ST6GALNAC3: variants seen among roughly 807,000 people sequenced by gnomAD.
The protein encoded by ST6GALNAC3 is alpha-N-acetylgalactosaminide alpha-2,6-sialyltransferase 3.
In ST6GALNAC3, 25 loss-of-function variants were observed where a neutral mutation model predicts 32.7. The ratio of observed to expected loss-of-function variants is 0.76; its 90% CI spans 0.56 to 1.07. The LOEUF (loss-of-function observed/expected upper bound fraction) is 1.07, where lower values mean the gene tolerates loss of function less well. Among genes scored for constraint, ST6GALNAC3 ranks in the 50% least tolerant of loss-of-function variants. ST6GALNAC3 has a pLI of 0.00. For missense variants in ST6GALNAC3, 355 were observed against 382.4 expected, an observed-to-expected ratio of 0.93 and a Z score of 0.60; for synonymous variants, 129 against 133.1, an observed-to-expected ratio of 0.97 and a Z score of 0.21.
intron 1 of ST6GALNAC3, among the ~76,000 whole-genome samples, chr1:76,209,875 G>C (rs970899829): frequency 6.6e-6 from 1 of 151,966 alleles, no homozygotes; most frequent in Non-Finnish European, 1.5e-5. Context: ...ATTATCTTGG[G>C]GTTTATTTTG....
At chr1:76,520,375 T>A (rs1662446159) in intron 3 of ST6GALNAC3, among the ~76,000 whole-genome samples, 1 of 152,170 alleles carries the variant, frequency 6.6e-6, no homozygotes, top group African/African-American at 2.4e-5. Flanking sequence ...ATTCCCATTT[T>A]ATAAAGCTGT....
At chr1:76,255,770 TTCTC>T (rs1161831713) in intron 1 of ST6GALNAC3, among the ~76,000 whole-genome samples, 2 of 152,144 alleles carry the variant, frequency 1.3e-5, no homozygotes, top group East Asian at 3.9e-4. Context: ...GACTTAATCT[TTCTC>T]TCTTGCGTGG....
At chr1:76,307,903 T>A (rs765675508) in intron 1 of ST6GALNAC3, 2 of 516,626 alleles carry the variant, frequency 3.9e-6, no homozygotes, top group South Asian at 2.8e-5. Flanking sequence ...ATTTCTCCTA[T>A]GAAGTCTGAT....
chr1:76,114,684 G>A (rs767718672), intron 1 of ST6GALNAC3, among the ~76,000 whole-genome samples: 7 of 152,144 alleles, frequency 4.6e-5, no homozygotes, highest in Non-Finnish European at 7.4e-5. Context: ...CAAGGTGAGC[G>A]AATCATTTGA....
chr1:76,332,861 T>C (rs1490692992), intron 2 of ST6GALNAC3, among the ~76,000 whole-genome samples: 1 of 152,168 alleles, frequency 6.6e-6, no homozygotes, highest in Non-Finnish European at 1.5e-5. Flanking sequence ...ATTTACCTGG[T>C]AAACTCCTTA....
At chr1:76,234,450 C>T (rs1375957004) in intron 1 of ST6GALNAC3, among the ~76,000 whole-genome samples, 1 of 152,220 alleles carries the variant, frequency 6.6e-6, no homozygotes, top group African/African-American at 2.4e-5. Context: ...CAGGATCTCT[C>T]ACATGCCAGT....
At chr1:76,087,887 A>G (rs967339385) in intron 1 of ST6GALNAC3, among the ~76,000 whole-genome samples, 3 of 152,248 alleles carry the variant, frequency 2.0e-5, no homozygotes, top group African/African-American at 2.4e-5. Context: ...TAGGCACTGT[A>G]TTTAATTCAT....
At chr1:76,168,543 G>A (rs1652272555) in intron 1 of ST6GALNAC3, among the ~76,000 whole-genome samples, 1 of 152,026 alleles carries the variant, frequency 6.6e-6, no homozygotes, top group South Asian at 2.1e-4. Context: ...TCTCTCACTG[G>A]TCTGTCTAAT....
intron 1 of ST6GALNAC3, among the ~76,000 whole-genome samples, chr1:76,308,868 C>A (rs903048611): frequency 6.6e-6 from 1 of 152,114 alleles, no homozygotes; most frequent in African/African-American, 2.4e-5. Context: ...CATCCAACTT[C>A]ATTTATTTGG....
At chr1:76,527,560 C>G (rs1030888372) in intron 3 of ST6GALNAC3, among the ~76,000 whole-genome samples, 3 of 152,046 alleles carry the variant, frequency 2.0e-5, no homozygotes, top group African/African-American at 7.2e-5. Flanking sequence ...AACCTGATAA[C>G]ACCTCCCCCA....
intron 1 of ST6GALNAC3, among the ~76,000 whole-genome samples, chr1:76,127,489 T>C (rs1204121910): frequency 6.6e-6 from 1 of 152,242 alleles, no homozygotes; most frequent in African/African-American, 2.4e-5. Flanking sequence ...TTATTTACAA[T>C]AAATTTCATG....
chr1:76,595,152 G>A (rs914436949), intron 3 of ST6GALNAC3, among the ~76,000 whole-genome samples: 2 of 152,114 alleles, frequency 1.3e-5, no homozygotes, highest in East Asian at 1.9e-4. Flanking sequence ...GAACAGTCTC[G>A]ATAAGCTGGG....
At chr1:76,115,903 A>G (rs971986858) in intron 1 of ST6GALNAC3, among the ~76,000 whole-genome samples, 1 of 152,218 alleles carries the variant, frequency 6.6e-6, no homozygotes. Flanking sequence ...TTACTCTAAA[A>G]TAGGTGTTAA....
At position 76,147,064 on chromosome 1, in the gene ST6GALNAC3, CTT is replaced by C. The variant is rs35731973; in HGVS notation, c.18+72196_18+72197del. ...CTTCTACTGATCACTCCCCCCACTT[CTT>C]TTTTTTTTTTTTTTTGAGACTAGTC... On this transcript the variant is annotated intron_variant, in intron 1 of 4. Transcript: ENST00000328299. Among the ~76,000 whole-genome samples, 117 of 136,284 alleles carry C rather than the reference CTT, an allele frequency of 8.6e-4. No individual in the cohort carries two copies. The Middle Eastern group carries it at 0.016, about 19-fold the overall frequency. 89.4% of individuals were successfully genotyped at this position (136,284 alleles called of 152,430 possible).
intron 1 of ST6GALNAC3, among the ~76,000 whole-genome samples, chr1:76,260,641 G>C (rs572301989): frequency 6.6e-6 from 1 of 152,102 alleles, no homozygotes. Context: ...CAAAGCTTGT[G>C]CTGTTAACCA....
chr1:76,608,214 A>G (rs1161247479), intron 3 of ST6GALNAC3, among the ~76,000 whole-genome samples: 1 of 152,226 alleles, frequency 6.6e-6, no homozygotes, highest in Non-Finnish European at 1.5e-5. Context: ...CATAAAATAA[A>G]TTAGTCAGTG....
chr1:76,115,958 T>A (rs1422892438), intron 1 of ST6GALNAC3, among the ~76,000 whole-genome samples: 1 of 152,208 alleles, frequency 6.6e-6, no homozygotes, highest in Non-Finnish European at 1.5e-5. Context: ...TACTAGGTAC[T>A]ATGGAATTAC....
intron 1 of ST6GALNAC3, among the ~76,000 whole-genome samples, chr1:76,081,285 T>TAAAAAAA (rs10526487): frequency 1.7e-5 from 2 of 120,502 alleles, no homozygotes; most frequent in Admixed American, 7.8e-5. Context: ...GCTGGTGAGC[T>TAAAAAAA]AAAAAAAAAA....
intron 1 of ST6GALNAC3, among the ~76,000 whole-genome samples, chr1:76,258,030 G>A (rs1570603505): frequency 6.6e-6 from 1 of 152,118 alleles, no homozygotes; most frequent in South Asian, 2.1e-4. Context: ...GAAAACTGCT[G>A]TGACATTTAA....
Sources: allele counts gnomAD v4.1 joint callset (sites outside exome capture counted in the v4.1 genomes callset), GRCh38; gene constraint gnomAD v4.1.1; transcripts MANE v1.5; gene names NCBI Gene and HGNC (gene_info 2026-07-23, HGNC 2026-07-21).